The following HS3ST4 variants were observed in gnomAD, a reference collection of about 807,000 sequenced individuals.
HS3ST4 encodes the protein heparan sulfate glucosamine 3-O-sulfotransferase 4.
In HS3ST4, 17 loss-of-function variants were observed where a neutral mutation model predicts 29.2. That is an observed-to-expected ratio of 0.58 (90% CI 0.40 to 0.87). HS3ST4 has a LOEUF of 0.87. Among genes scored for constraint, HS3ST4 ranks in the 40% least tolerant of loss-of-function variants. HS3ST4 has a pLI of 0.00. For synonymous variants in HS3ST4, 314 were observed against 285.7 expected (o/e 1.10, Z -1.00); for missense variants, 627 against 634.5 (o/e 0.99, Z 0.13).
At chr16:25,864,174 T>C (rs986610649) in intron 1 of HS3ST4, among the ~76,000 whole-genome samples, 4 of 152,240 alleles carry the variant, frequency 2.6e-5, no homozygotes, top group Non-Finnish European at 5.9e-5. Flanking sequence ...CCCAGCTTTA[T>C]TAAGGAAAAA....
intron 1 of HS3ST4, among the ~76,000 whole-genome samples, chr16:25,955,771 G>A (rs1295803861): frequency 6.6e-6 from 1 of 151,476 alleles, no homozygotes; most frequent in East Asian, 1.9e-4. Context: ...GTAGCTTGCA[G>A]TGTTTTGGGA....
intron 1 of HS3ST4, among the ~76,000 whole-genome samples, chr16:25,708,379 A>G (rs1966390433): frequency 6.6e-6 from 1 of 152,220 alleles, no homozygotes; most frequent in Non-Finnish European, 1.5e-5. Context: ...GCCGTGTTTA[A>G]AACATACTGG....
intron 1 of HS3ST4, among the ~76,000 whole-genome samples, chr16:25,904,147 G>A (rs147741496): frequency 0.15 from 13,541 of 89,652 alleles, 663 homozygotes; most frequent in African/African-American, 0.21. Context: ...TGGATGGATG[G>A]ATGGATGAAT....
intron 1 of HS3ST4, among the ~76,000 whole-genome samples, chr16:25,697,706 C>T (rs887278645): frequency 3.3e-5 from 5 of 151,134 alleles, no homozygotes; most frequent in African/African-American, 9.7e-5. Context: ...TCTTTCTTTT[C>T]TTTTTTTTTG....
intron 1 of HS3ST4, among the ~76,000 whole-genome samples, chr16:25,872,881 G>C (rs1206925334): frequency 3.1e-5 from 2 of 63,696 alleles, no homozygotes; most frequent in African/African-American, 1.0e-4. Flanking sequence ...ATTTCAAGGA[G>C]TTTTGTTTTG....
chr16:26,055,618 G>A (rs11648046), intron 1 of HS3ST4, among the ~76,000 whole-genome samples: 81,277 of 151,606 alleles, frequency 0.54, 23,464 homozygotes, highest in Middle Eastern at 0.67. Flanking sequence ...AAAGTTTCCC[G>A]CATAATAATC....
Position 26,080,926 on chromosome 16 carries a change from C to T in HS3ST4, c.735-54686C>T, listed in dbSNP as rs140015823. Among the ~76,000 whole-genome samples the T allele has an allele frequency of 3.4e-3, 520 of 152,246 alleles. 6 individuals carry two copies. Among genetic ancestry groups the T allele is most frequent in the Middle Eastern group, 6.8e-3 (2 of 294 alleles). On this transcript the variant is annotated intron_variant, in intron 1 of 1. Coordinates refer to ENST00000331351, the MANE Select transcript of HS3ST4 (RefSeq NM_006040.3). ...CATCTTGCTCATCAAAGTGCGTCCA[C>T]GGACCAGCAGCTAAGAGCTTGTTGG...
At chr16:26,126,093 C>T (rs1353126437) in intron 1 of HS3ST4, among the ~76,000 whole-genome samples, 2 of 152,198 alleles carry the variant, frequency 1.3e-5, no homozygotes, top group African/African-American at 2.4e-5. Flanking sequence ...TTCAGACCCG[C>T]CTCTGACACC....
intron 1 of HS3ST4, among the ~76,000 whole-genome samples, chr16:26,000,171 A>G (rs1362483275): frequency 6.6e-6 from 1 of 151,994 alleles, no homozygotes; most frequent in East Asian, 1.9e-4. Context: ...AGAAGAATTT[A>G]CCAGCTTATG....
chr16:26,002,664 A>G (rs1969221695), intron 1 of HS3ST4, among the ~76,000 whole-genome samples: 1 of 137,484 alleles, frequency 7.3e-6, no homozygotes, highest in Non-Finnish European at 1.6e-5. Flanking sequence ...AAAGAGAGAG[A>G]GGGAAAGAGA....
chr16:25,920,362 T>C (rs1447686406), intron 1 of HS3ST4, among the ~76,000 whole-genome samples: 2 of 152,192 alleles, frequency 1.3e-5, no homozygotes, highest in African/African-American at 4.8e-5. Context: ...CTCATTATCA[T>C]ACCCTACGGG....
chr16:26,002,795 G>T (rs1384574229), intron 1 of HS3ST4, among the ~76,000 whole-genome samples: 1 of 151,008 alleles, frequency 6.6e-6, no homozygotes, highest in African/African-American at 2.4e-5. Flanking sequence ...GAAAGAAAAA[G>T]AAAGAAGGAA....
At chr16:25,725,464 C>T (rs1201773229) in intron 1 of HS3ST4, among the ~76,000 whole-genome samples, 1 of 152,110 alleles carries the variant, frequency 6.6e-6, no homozygotes, top group Non-Finnish European at 1.5e-5. Context: ...GATATCTTTT[C>T]TGTGCCAAAA....
At chr16:25,695,414 C>G (rs192093829) in intron 1 of HS3ST4, among the ~76,000 whole-genome samples, 10 of 152,312 alleles carry the variant, frequency 6.6e-5, no homozygotes, top group African/African-American at 2.4e-4. Context: ...TGGGAAGACC[C>G]GTTGGACCCA....
At chr16:25,973,669 A>G (rs1212778718) in intron 1 of HS3ST4, among the ~76,000 whole-genome samples, 3 of 152,058 alleles carry the variant, frequency 2.0e-5, no homozygotes, top group Non-Finnish European at 4.4e-5. Context: ...AAACGAAATG[A>G]TTTTTTCCGA....
chr16:25,963,394 C>G (rs1386192169), intron 1 of HS3ST4, among the ~76,000 whole-genome samples: 1 of 152,190 alleles, frequency 6.6e-6, no homozygotes, highest in Non-Finnish European at 1.5e-5. Flanking sequence ...GACTGACTAT[C>G]CAAATACTGC....
chr16:26,046,435 G>A (rs536390109), intron 1 of HS3ST4, among the ~76,000 whole-genome samples: 2 of 152,144 alleles, frequency 1.3e-5, no homozygotes, highest in African/African-American at 4.8e-5. Flanking sequence ...ACAGGCATGA[G>A]CCACGGTACC....
intron 1 of HS3ST4, among the ~76,000 whole-genome samples, chr16:25,816,318 C>T (rs936770740): frequency 1.3e-5 from 2 of 152,136 alleles, no homozygotes; most frequent in African/African-American, 2.4e-5. Context: ...AAGGTGGAGG[C>T]CGTGGCCCTC....
intron 1 of HS3ST4, among the ~76,000 whole-genome samples, chr16:25,823,664 G>A (rs1428518852): frequency 6.6e-6 from 1 of 152,118 alleles, no homozygotes; most frequent in Non-Finnish European, 1.5e-5. Flanking sequence ...AGGTTCAAGC[G>A]ATTCTCGTGC....
Sources: gnomAD v4.1 joint callset for allele counts (sites outside exome capture counted in the v4.1 genomes callset) on GRCh38, gnomAD v4.1.1 for gene constraint, MANE v1.5 for transcripts, NCBI Gene and HGNC (gene_info 2026-07-23, HGNC 2026-07-21) for gene names.